The following SLC9C2 variants were observed in gnomAD, a reference collection of about 807,000 sequenced individuals.
SLC9C2 encodes solute carrier family 9 member C2 (putative).
In SLC9C2, 75 loss-of-function variants were observed where a neutral mutation model predicts 140.2. The ratio of observed to expected loss-of-function variants is 0.53; its 90% CI spans 0.44 to 0.65. The LOEUF is 0.65. Among genes scored for constraint, SLC9C2 ranks in the 30% least tolerant of loss-of-function variants. The probability of loss-of-function intolerance (pLI) is 0.00; values close to 1 mark genes in which losing one functional copy is unlikely to be tolerated. For synonymous variants in SLC9C2, 375 were observed against 420.9 expected, an observed-to-expected ratio of 0.89 and a Z score of 1.34; for missense variants, 1,074 against 1,331.8, an observed-to-expected ratio of 0.81 and a Z score of 3.01.
intron 1 of SLC9C2, among the ~76,000 whole-genome samples, 158 bp downstream of exon 1, chr1:173,602,593 A>G (rs1571656637): frequency 2.6e-5 from 4 of 152,336 alleles, no homozygotes; most frequent in East Asian, 1.9e-4. Context: ...CAGCCCCAGT[A>G]TCTCACCTCA....
rs186331248 is a variant in SLC9C2, at chr1:173,562,068, T to C, written c.1047-4560A>G. Reference sequence around the variant, plus strand: ...ACTAAAAATCTGGGCACCGTTATAATAGGAATTAAGTTATATGCCCATTAC... The same window carrying C: ...ACTAAAAATCTGGGCACCGTTATAACAGGAATTAAGTTATATGCCCATTAC... On this transcript the variant is annotated intron_variant, in intron 9 of 27. Coordinates refer to ENST00000367714, the MANE Select transcript of SLC9C2 (RefSeq NM_178527.4). 3.9e-5 allele frequency among the ~76,000 whole-genome samples: 6 copies of C among 152,260 alleles called. No individual in the cohort carries two copies. The East Asian group carries it at 5.8e-4, about 15-fold the overall frequency.
At position 173,573,271 on chromosome 1, in the gene SLC9C2, G is replaced by T; in HGVS notation, c.957C>A (p.Gly319=). The change falls in exon 9 of 28, where the codon GGC becomes GGA. Residue 319 remains glycine (G), a synonymous_variant. Transcript: ENST00000367714. ...TGAGTTCTCCACATCCAATCACAAT[G>T]CCAAAGAAAGCATATATTAAATGTT... ...VYEHLIYAFF[G]IVIGCGELSH... is the part of the protein sequence containing the mutation. 1 of 1,574,996 alleles carries T rather than the reference G, an allele frequency of 6.3e-7. No individual in the cohort carries two copies.
intron 15 of SLC9C2, among the ~76,000 whole-genome samples, chr1:173,535,121 A>C (rs909070446): frequency 6.6e-6 from 1 of 152,214 alleles, no homozygotes; most frequent in African/African-American, 2.4e-5. Context: ...CTTTGGATAT[A>C]TGTCAAGGTC....
At chr1:173,502,066 G>A (rs1489070689) in intron 27 of SLC9C2, among the ~76,000 whole-genome samples, 3 of 152,014 alleles carry the variant, frequency 2.0e-5, no homozygotes, top group African/African-American at 4.8e-5. Flanking sequence ...AAGGTCAGGA[G>A]ATCGAGACCA....
chr1:173,562,160 A>T (rs1167378199), intron 9 of SLC9C2, among the ~76,000 whole-genome samples: 1 of 152,200 alleles, frequency 6.6e-6, no homozygotes, highest in Non-Finnish European at 1.5e-5. Flanking sequence ...GTGCCCAATG[A>T]CTATTGAAAA....
At chr1:173,522,252 A>G (rs1429674984) in intron 21 of SLC9C2, among the ~76,000 whole-genome samples, 1 of 151,900 alleles carries the variant, frequency 6.6e-6, no homozygotes, top group African/African-American at 2.4e-5. Context: ...AAGCCACAGG[A>G]TCCTATCTTG....
At chr1:173,564,525 C>A (rs1411184190) in intron 9 of SLC9C2, among the ~76,000 whole-genome samples, 1 of 151,926 alleles carries the variant, frequency 6.6e-6, no homozygotes, top group Non-Finnish European at 1.5e-5. Context: ...CTACTCAGAT[C>A]TTTTGCCCAT....
intron 11 of SLC9C2, among the ~76,000 whole-genome samples, chr1:173,554,255 A>G (rs531783244): frequency 2.4e-4 from 36 of 152,258 alleles, no homozygotes; most frequent in African/African-American, 8.4e-4. Context: ...GTTCTGGCCA[A>G]TGGAATGTGA....
intron 13 of SLC9C2, among the ~76,000 whole-genome samples, chr1:173,538,010 A>T (rs1440812693): frequency 6.6e-6 from 1 of 152,192 alleles, no homozygotes; most frequent in Admixed American, 6.5e-5. Context: ...TTAAAATTTG[A>T]GGGATGATAG....
chr1:173,597,132 A>G (rs1558101646), intron 4 of SLC9C2, among the ~76,000 whole-genome samples: 1 of 152,058 alleles, frequency 6.6e-6, no homozygotes, highest in Admixed American at 6.6e-5. Flanking sequence ...TTAAAAAAAA[A>G]CATGTACAAG....
intron 17 of SLC9C2, among the ~76,000 whole-genome samples, 180 bp downstream of exon 17, chr1:173,533,429 C>T (rs1661726382): frequency 6.6e-6 from 1 of 152,034 alleles, no homozygotes; most frequent in Non-Finnish European, 1.5e-5. Flanking sequence ...CAGGTGCACA[C>T]CATCATGCCC....
intron 26 of SLC9C2, 32 bp downstream of exon 26, chr1:173,505,215 A>G: frequency 6.5e-7 from 1 of 1,546,980 alleles, no homozygotes; most frequent in South Asian, 1.1e-5. Flanking sequence ...CCTTCTCAAT[A>G]GTTTTCCTAC....
rs1558068630 is a variant in SLC9C2, at chr1:173,561,887, C to CACACA, written c.1047-4380_1047-4379insTGTGT. Among the ~76,000 whole-genome samples, 289 of 141,296 alleles carry CACACA rather than the reference C, an allele frequency of 2.0e-3. 3 individuals carry two copies. Among genetic ancestry groups the CACACA allele is most frequent in the East Asian group, 0.016 (77 of 4,684 alleles). 92.7% of individuals were successfully genotyped at this position (141,296 alleles called of 152,430 possible). A position where few individuals can be genotyped will look rare whatever the true frequency, so the allele number is the denominator to read the frequency against. Reference sequence around the variant, plus strand: ...GACACACACACACACACACACACACCCCCAACTGTAACTAATCCAACAATC... The same window carrying CACACA: ...GACACACACACACACACACACACACCACACACCCAACTGTAACTAATCCAACAATC... On this transcript the variant is annotated intron_variant, in intron 9 of 27. Transcript: ENST00000367714.
At chr1:173,560,239 T>C (rs572099600) in intron 9 of SLC9C2, among the ~76,000 whole-genome samples, 5 of 152,320 alleles carry the variant, frequency 3.3e-5, no homozygotes, top group African/African-American at 1.2e-4. Flanking sequence ...CTTTAATATA[T>C]TGCAGGAACA....
chr1:173,550,872 A>AAGAGAGGAGAGAGAGAGAGAGAGAG (rs1663237795), intron 11 of SLC9C2, among the ~76,000 whole-genome samples: 10 of 86,508 alleles, frequency 1.2e-4, no homozygotes, highest in African/African-American at 6.5e-4. Flanking sequence ...GAGCCGTTGA[A>AAGAGAGGAGAGAGAGAGAGAGAGAG]AGAGAGAGAG....
At chr1:173,586,653 G>A (rs1250615685) in intron 5 of SLC9C2, among the ~76,000 whole-genome samples, 1 of 152,132 alleles carries the variant, frequency 6.6e-6, no homozygotes, top group Non-Finnish European at 1.5e-5. Context: ...TGATAGACTG[G>A]ATAAAGAAAA....
At chr1:173,533,921 G>T in intron 16 of SLC9C2, 124 bp from the exon 17 acceptor site, 1 of 1,118,048 alleles carries the variant, frequency 8.9e-7, no homozygotes, top group Non-Finnish European at 1.2e-6. Context: ...TGAGCTTTAA[G>T]TTATTCATTT....
At chr1:173,575,737 C>T (rs1242007534) in intron 8 of SLC9C2, among the ~76,000 whole-genome samples, 1 of 152,036 alleles carries the variant, frequency 6.6e-6, no homozygotes, top group East Asian at 1.9e-4. Context: ...CCACCACGCC[C>T]GGCTAATTTT....
intron 9 of SLC9C2, among the ~76,000 whole-genome samples, chr1:173,562,589 A>C (rs1447578112): frequency 6.6e-6 from 1 of 152,190 alleles, no homozygotes. Context: ...CTAATTTTTC[A>C]TCTCTATGAA....
Sources: allele counts gnomAD v4.1 joint callset (sites outside exome capture counted in the v4.1 genomes callset), GRCh38; gene constraint gnomAD v4.1.1; transcripts MANE v1.5; gene names NCBI Gene and HGNC (gene_info 2026-07-23, HGNC 2026-07-21).